GRAP2: variants seen among roughly 807,000 people sequenced by gnomAD.
GRAP2 encodes the protein GRB2-related adapter protein 2.
Under a neutral mutation model 43.5 loss-of-function variants are expected in GRAP2, and 31 were observed. The observed-to-expected ratio is 0.71, with a 90% CI of 0.54 to 0.96. GRAP2 has a LOEUF of 0.96. Ranked by LOEUF, GRAP2 falls within the 40% of genes least tolerant of loss-of-function variation. The probability of loss-of-function intolerance (pLI) is 0.00; values close to 1 mark genes in which losing one functional copy is unlikely to be tolerated. For synonymous variants in GRAP2, 156 were observed against 164.8 expected (o/e 0.95, Z 0.41); for missense variants, 371 against 424.4 (o/e 0.87, Z 1.11).
chr22:39,971,901 C>G lies in GRAP2; in HGVS notation c.*817C>G, dbSNP rs2067248263. The G allele has an allele frequency of 6.6e-6, 1 of 152,216 alleles. No individual in the cohort carries two copies. Among genetic ancestry groups the G allele is most frequent in the South Asian group, 2.1e-4 (1 of 4,834 alleles). 9.4% of individuals were successfully genotyped at this position (152,216 alleles called of 1,614,324 possible). Reference sequence around the variant, plus strand: ...CGTAAAGTGCTTGAAGAAGCTCTAGCTGAGAATGCTGAATTTTACAGTCAT... The same window carrying G: ...CGTAAAGTGCTTGAAGAAGCTCTAGGTGAGAATGCTGAATTTTACAGTCAT... On this transcript the variant is annotated 3_prime_UTR_variant, in exon 8 of 8. Transcript: ENST00000344138.
the GRAP2 span, among the ~76,000 whole-genome samples, chr22:39,894,074 G>A: frequency 1.3e-5 from 2 of 149,018 alleles, no homozygotes; most frequent in Admixed American, 6.7e-5. Flanking sequence ...TGTTCACAAC[G>A]TAAAAACGGA....
chr22:39,962,340 G>A (rs990636879), intron 4 of GRAP2, among the ~76,000 whole-genome samples: 1 of 152,048 alleles, frequency 6.6e-6, no homozygotes, highest in East Asian at 1.9e-4. Flanking sequence ...AAGGATTGTT[G>A]GAGCTGGGCG....
intron 1 of GRAP2, among the ~76,000 whole-genome samples, chr22:39,934,660 C>T (rs1010992149): frequency 6.6e-6 from 1 of 152,098 alleles, no homozygotes; most frequent in Non-Finnish European, 1.5e-5. Flanking sequence ...CCAGCTTGAC[C>T]ATCTTCATGT....
intron 1 of GRAP2, among the ~76,000 whole-genome samples, chr22:39,915,315 T>C (rs2066595516): frequency 6.6e-6 from 1 of 152,120 alleles, no homozygotes; most frequent in South Asian, 2.1e-4. Context: ...CTGCTCAAGG[T>C]AAACACCCAG....
intron 1 of GRAP2, among the ~76,000 whole-genome samples, chr22:39,913,624 A>G (rs1601691672): frequency 1.3e-5 from 2 of 152,176 alleles, no homozygotes; most frequent in Admixed American, 6.5e-5. Context: ...GCTCCCAGCT[A>G]TGGAGAAAGG....
At chr22:39,930,546 A>T (rs959804775) in intron 1 of GRAP2, among the ~76,000 whole-genome samples, 1 of 152,256 alleles carries the variant, frequency 6.6e-6, no homozygotes, top group Non-Finnish European at 1.5e-5. Context: ...ATGATCTGTC[A>T]CTGTTGTAGT....
chr22:39,958,375 T>C (rs2067080855), intron 3 of GRAP2, among the ~76,000 whole-genome samples: 1 of 152,180 alleles, frequency 6.6e-6, no homozygotes, highest in Admixed American at 6.5e-5. Flanking sequence ...CCACAGCACT[T>C]ACCATCATCT....
intron 6 of GRAP2, 37 bp from the exon 7 acceptor site, chr22:39,969,374 G>T: frequency 6.2e-7 from 1 of 1,611,882 alleles, no homozygotes; most frequent in Non-Finnish European, 8.5e-7. Flanking sequence ...AGATGTCCTG[G>T]CAGTGGGGTG....
chr22:39,951,746 C>T (rs547412712), intron 2 of GRAP2, among the ~76,000 whole-genome samples: 5 of 152,174 alleles, frequency 3.3e-5, no homozygotes, highest in East Asian at 3.9e-4. Context: ...GGGCCCACAA[C>T]GGCAGGAGGA....
At chr22:39,924,389 C>G (rs188099714) in intron 1 of GRAP2, among the ~76,000 whole-genome samples, 246 of 152,218 alleles carry the variant, frequency 1.6e-3, no homozygotes, top group African/African-American at 5.8e-3. Flanking sequence ...ATGAGTTTTA[C>G]GCAGTAGGCT....
At chr22:39,910,327 C>A (rs2066551530) in intron 1 of GRAP2, among the ~76,000 whole-genome samples, 1 of 152,190 alleles carries the variant, frequency 6.6e-6, no homozygotes, top group Non-Finnish European at 1.5e-5. Context: ...ACACTGCTGA[C>A]TCATATCGAA....
intron 2 of GRAP2, among the ~76,000 whole-genome samples, chr22:39,952,017 TG>T (rs1172904162): frequency 1.3e-5 from 2 of 148,530 alleles, no homozygotes; most frequent in East Asian, 2.0e-4. Flanking sequence ...ACAAAGTGTG[TG>T]GTTTTTTTTT....
At chr22:39,958,492 G>A (rs1447714180) in intron 3 of GRAP2, among the ~76,000 whole-genome samples, 2 of 152,062 alleles carry the variant, frequency 1.3e-5, no homozygotes, top group African/African-American at 4.8e-5. Context: ...CCACTACTGT[G>A]TCCCCAGTGC....
intron 4 of GRAP2, chr22:39,964,397 A>G (rs1401884210): frequency 1.3e-6 from 1 of 781,836 alleles, no homozygotes; most frequent in South Asian, 1.4e-5. Flanking sequence ...GAAGGTGGCA[A>G]GAAGAAGGCA....
chr22:39,964,715 T>TAA (rs386395435), intron 4 of GRAP2: 4,410 of 307,058 alleles, frequency 0.014, 40 homozygotes, highest in African/African-American at 0.039. Context: ...TAAACTTTTG[T>TAA]AAAAAAAAAA....
chr22:39,968,232 C>T lies in GRAP2; in HGVS notation c.650C>T (p.Pro217Leu), dbSNP rs1338843312. Residue 217 changes from proline (P) to leucine (L), a missense_variant, in exon 6 of 8, where the codon CCC becomes CTC. Coordinates refer to ENST00000344138, the MANE Select transcript of GRAP2 (RefSeq NM_004810.4). ...CCAGCGCCCCAGCAGCTGCAGCAGC[C>T]CCCACAGCAGCGATATCTGCAGCAC... is the stretch of plus-strand genomic sequence containing the variant. ...YAPAPQQLQQ[P>L]PQQRYLQHHH... is the part of the protein sequence containing the mutation. The T allele has an allele frequency of 1.2e-6, 2 of 1,602,212 alleles. No homozygotes were observed. The highest frequency in any genetic ancestry group is 1.7e-6 in the Non-Finnish European group (2 of 1,169,346).
At chr22:39,901,367 A>C (rs1277459440) in intron 1 of GRAP2, 37 bp downstream of exon 1, 2 of 721,546 alleles carry the variant, frequency 2.8e-6, no homozygotes, top group African/African-American at 3.6e-5. Context: ...TATACTCTAG[A>C]AACTTTGAAC....
At chr22:39,943,056 C>A (rs755246387) in intron 1 of GRAP2, among the ~76,000 whole-genome samples, 15 of 152,146 alleles carry the variant, frequency 9.9e-5, no homozygotes, top group Non-Finnish European at 1.9e-4. Context: ...TATGCAATTG[C>A]CCTTTGTAAG....
At chr22:39,947,517 G>T (rs1601722365) in intron 2 of GRAP2, 1 of 306,782 alleles carries the variant, frequency 3.3e-6, no homozygotes, top group South Asian at 4.2e-5. Context: ...GGGGTTGTAG[G>T]AGTGTGTGCA....
Sources: gnomAD v4.1 joint callset for allele counts (sites outside exome capture counted in the v4.1 genomes callset) on GRCh38, gnomAD v4.1.1 for gene constraint, MANE v1.5 for transcripts, NCBI Gene and HGNC (gene_info 2026-07-23, HGNC 2026-07-21) for gene names.